Variants in HIPK2 observed in about 807,000 individuals in gnomAD.
HIPK2 encodes homeodomain interacting protein kinase 2.
A neutral mutation model predicts 113.7 loss-of-function variants in HIPK2; 27 were observed. That is an observed-to-expected ratio of 0.24 (90% CI 0.17 to 0.33). HIPK2 has a LOEUF of 0.33. Among genes scored for constraint, HIPK2 ranks in the 10% least tolerant of loss-of-function variants. The pLI is 1.00. For synonymous variants in HIPK2, 631 were observed against 642.2 expected, an observed-to-expected ratio of 0.98 and a Z score of 0.26; for missense variants, 1,257 against 1,588.0, an observed-to-expected ratio of 0.79 and a Z score of 3.54.
At chr7:139,596,604 G>C in intron 12 of HIPK2, 113 bp downstream of exon 12, 2 of 1,417,482 alleles carry the variant, frequency 1.4e-6, no homozygotes, top group Non-Finnish European at 1.9e-6. Context: ...AAACCAAACT[G>C]TAAGGGTCAG....
Position 139,574,992 on chromosome 7 carries a change from G to T in HIPK2, c.3126+136C>A. ...GAAAAAGCCACCAGAGGTCACCAAG[G>T]GCATGTGCTGCCACCCGTGGCCAGG... On this transcript the variant is annotated intron_variant, in intron 14 of 14. Transcript: ENST00000406875. The T allele has an allele frequency of 7.6e-6, 9 of 1,186,670 alleles. No individual in the cohort carries two copies. In the South Asian group the frequency reaches 1.3e-4, roughly 17 times the overall value. The allele number at this position is 1,186,670 out of a possible 1,614,324, so 73.5% of individuals were successfully genotyped here.
rs1185639061 is a variant in HIPK2, at chr7:139,572,822, G to T, written c.*105C>A. The T allele has an allele frequency of 4.0e-5, 18 of 453,640 alleles. No homozygotes were observed. The highest frequency in any genetic ancestry group is 5.7e-5 in the Non-Finnish European group (17 of 297,998). The allele number at this position is 453,640 out of a possible 1,614,324, so 28.1% of individuals were successfully genotyped here. A position where few individuals can be genotyped will look rare whatever the true frequency, so the allele number is the denominator to read the frequency against. ...GCATTGTTTGTGTGCGGCATCTTCA[G>T]TATAAAAGGCCAGCGCCCACGGTCC... On this transcript the variant is annotated 3_prime_UTR_variant, in exon 15 of 15. Transcript: ENST00000406875.
At chr7:139,760,657 A>G (rs1394170750) in intron 1 of HIPK2, among the ~76,000 whole-genome samples, 1 of 152,320 alleles carries the variant, frequency 6.6e-6, no homozygotes, top group Non-Finnish European at 1.5e-5. Context: ...TACCAGAAAA[A>G]GGGAGTTAAA....
intron 1 of HIPK2, among the ~76,000 whole-genome samples, chr7:139,735,156 T>C (rs1047103311): frequency 6.6e-5 from 10 of 152,238 alleles, no homozygotes; most frequent in Non-Finnish European, 1.5e-4. Flanking sequence ...TTAAGAGAAG[T>C]ATCCCATGAG....
Position 139,683,957 on chromosome 7 carries a change from A to G in HIPK2, c.1103+31975T>C, listed in dbSNP as rs34146858. Among the ~76,000 whole-genome samples, 206 of 148,902 alleles carry G rather than the reference A, an allele frequency of 1.4e-3. No individual in the cohort carries two copies. The highest frequency in any genetic ancestry group is 4.0e-3 in the African/African-American group (160 of 40,388). Reference sequence around the variant, plus strand: ...TTGACTGAGCTTTGCAGATACCATGATTTTTTTTTTTTACACAAATTGAAG... The same window carrying G: ...TTGACTGAGCTTTGCAGATACCATGGTTTTTTTTTTTTACACAAATTGAAG... On this transcript the variant is annotated intron_variant, in intron 2 of 14. Transcript: ENST00000406875. This position sits in a 1 kb window ranked among gnomAD's most constrained non-coding sequence, Gnocchi z 4.2.
intron 2 of HIPK2, among the ~76,000 whole-genome samples, chr7:139,639,975 G>C (rs1210590995): frequency 6.6e-6 from 1 of 152,072 alleles, no homozygotes; most frequent in Non-Finnish European, 1.5e-5. Context: ...CAGGCAGGTA[G>C]GGCTGCTGGT....
intron 2 of HIPK2, among the ~76,000 whole-genome samples, chr7:139,707,433 C>T (rs1585402216): frequency 6.6e-6 from 1 of 152,240 alleles, no homozygotes; most frequent in African/African-American, 2.4e-5. Context: ...TGCACTGCTG[C>T]GACGCAGCGA....
At chr7:139,703,366 T>C (rs1585396619) in intron 2 of HIPK2, among the ~76,000 whole-genome samples, 1 of 152,172 alleles carries the variant, frequency 6.6e-6, no homozygotes. Flanking sequence ...TGGTGCCAGA[T>C]CTATTTATAT....
rs750669012 is a variant in HIPK2 at position 139,572,943 on chromosome 7, T to C, written c.3581A>G (p.Gln1194Arg). The stretch of plus-strand genomic sequence containing the variant: ...CTCCAGTGTTTATATGTAAGGGTAC[T>C]GGTTGACCTTGGCGGGGCTCAGTGG... ...GYPLSPAKVN[Q>R]YPYI is the part of the protein sequence containing the mutation. Residue 1194 changes from glutamine to arginine, a missense_variant, in exon 15 of 15, where the codon CAG becomes CGG. Physicochemically the swap from Gln to Arg is conservative, Grantham distance 43. Around this residue, in one of 5 missense-constraint regions of HIPK2, gnomAD observed 862 missense variants for 1,004.3 expected, o/e 0.86. Transcript: ENST00000406875. 6 of 1,235,676 alleles carry C rather than the reference T, an allele frequency of 4.9e-6. No individual in the cohort carries two copies. Among genetic ancestry groups the C allele is most frequent in the Non-Finnish European group, 6.5e-6 (6 of 930,066 alleles). 76.5% of individuals were successfully genotyped at this position (1,235,676 alleles called of 1,614,324 possible).
rs188447387 is a variant in HIPK2, at chr7:139,725,083, G to A, written c.20-8068C>T. Among the ~76,000 whole-genome samples, 8 of 152,118 alleles carry A rather than the reference G, an allele frequency of 5.3e-5. No individual in the cohort carries two copies. The East Asian group carries it at 1.5e-3, about 29-fold the overall frequency. Reference sequence around the variant, plus strand: ...GGGTCCTCTACATAAAAAAAGATTAGGGTTGAGCACAACAGGAAACACAAA... The same window carrying A: ...GGGTCCTCTACATAAAAAAAGATTAAGGTTGAGCACAACAGGAAACACAAA... On this transcript the variant is annotated intron_variant, in intron 1 of 14. Coordinates refer to ENST00000406875, the MANE Select transcript of HIPK2 (RefSeq NM_022740.5).
intron 1 of HIPK2, among the ~76,000 whole-genome samples, chr7:139,744,947 C>T (rs1047494825): frequency 1.3e-5 from 2 of 152,214 alleles, no homozygotes; most frequent in East Asian, 1.9e-4. Flanking sequence ...AGCGGCATCT[C>T]GCCAAATCCC....
Position 139,716,038 on chromosome 7 carries a change from C to A in HIPK2, c.997G>T (p.Val333Leu), listed in dbSNP as rs778706926. ...ADLKPENIML[V>L]DPSRQPYRVK... ...CTGTATGGTTGTCTAGATGGATCCA[C>A]CAGCATGATGTTTTCTGGTTTGAGG... The change falls in exon 2 of 15, where the codon GTG becomes TTG. Residue 333 changes from valine to leucine, a missense_variant. This residue lies in a region of HIPK2 where 84 missense variants were observed against 182.2 expected (regional missense o/e 0.46). Coordinates refer to ENST00000406875, the MANE Select transcript of HIPK2 (RefSeq NM_022740.5). This position sits in a 1 kb window ranked among gnomAD's most constrained non-coding sequence, Gnocchi z 9.3. 4 of 1,614,070 alleles carry A rather than the reference C, an allele frequency of 2.5e-6. No homozygotes were observed. Among genetic ancestry groups the A allele is most frequent in the Non-Finnish European group, 2.5e-6 (3 of 1,179,972 alleles).
chr7:139,747,609 C>T (rs1286640577), intron 1 of HIPK2, among the ~76,000 whole-genome samples: 2 of 152,222 alleles, frequency 1.3e-5, no homozygotes, highest in African/African-American at 4.8e-5. Flanking sequence ...CCAGAAAATT[C>T]TGCCTGTGTT....
intron 1 of HIPK2, among the ~76,000 whole-genome samples, chr7:139,726,283 G>A (rs1795571942): frequency 6.6e-6 from 1 of 152,332 alleles, no homozygotes. Context: ...CTGGTCCAGA[G>A]GGGTAAGGGG....
intron 1 of HIPK2, among the ~76,000 whole-genome samples, chr7:139,751,090 C>T (rs1431005643): frequency 6.6e-6 from 1 of 151,976 alleles, no homozygotes; most frequent in African/African-American, 2.4e-5. Flanking sequence ...CGTATTTATA[C>T]TATAAAATCA....
At chr7:139,668,570 CAAA>C in intron 2 of HIPK2, among the ~76,000 whole-genome samples, 1 of 102,852 alleles carries the variant, frequency 9.7e-6, no homozygotes. Flanking sequence ...GGCTCTGTCT[CAAA>C]AAAAAAAAAA....
chr7:139,758,095 T>C (rs577276660), intron 1 of HIPK2, among the ~76,000 whole-genome samples: 27 of 152,360 alleles, frequency 1.8e-4, no homozygotes, highest in Middle Eastern at 3.4e-3. Context: ...ATAAATTTAA[T>C]GTGATCCCAA....
At chr7:139,591,400 A>C (rs573054514) in intron 12 of HIPK2, among the ~76,000 whole-genome samples, 1 of 152,130 alleles carries the variant, frequency 6.6e-6, no homozygotes, top group African/African-American at 2.4e-5. Context: ...CTGGCCTGGG[A>C]GTTTTGACTC....
At chr7:139,709,106 A>C (rs1794990329) in intron 2 of HIPK2, among the ~76,000 whole-genome samples, 1 of 152,230 alleles carries the variant, frequency 6.6e-6, no homozygotes, top group Admixed American at 6.5e-5. Context: ...ATAACCTAAC[A>C]GCCTACATAA....
Sources: gnomAD v4.1 joint callset for allele counts (sites outside exome capture counted in the v4.1 genomes callset) on GRCh38, gnomAD v4.1.1 for gene constraint, gnomAD v4.1.1 regional missense constraint, Gnocchi (gnomAD v3.1) non-coding constraint, MANE v1.5 for transcripts, NCBI Gene and HGNC (gene_info 2026-07-23, HGNC 2026-07-21) for gene names.